SLC15A1: variants seen among roughly 807,000 people sequenced by gnomAD.
SLC15A1 encodes Caco-2 oligopeptide transporter.
Under a neutral mutation model 92.9 loss-of-function variants are expected in SLC15A1, and 83 were observed. The observed-to-expected ratio is 0.89, with a 90% confidence interval of 0.75 to 1.07. The LOEUF (loss-of-function observed/expected upper bound fraction) is 1.07, where lower values mean the gene tolerates loss of function less well. Among genes scored for constraint, SLC15A1 ranks in the 50% least tolerant of loss-of-function variants. The pLI is 0.00. For synonymous variants in SLC15A1, 322 were observed against 318.2 expected, an observed-to-expected ratio of 1.01 and a Z score of -0.13; for missense variants, 857 against 880.1, an observed-to-expected ratio of 0.97 and a Z score of 0.33.
chr13:98,738,603 C>T (rs151057213), intron 1 of SLC15A1, among the ~76,000 whole-genome samples: 1 of 152,390 alleles, frequency 6.6e-6, no homozygotes, highest in East Asian at 1.9e-4. Context: ...TGGTGGTTTC[C>T]ACATGGTGTT....
chr13:98,732,566 C>A (rs2088359730), intron 1 of SLC15A1, among the ~76,000 whole-genome samples: 2 of 152,108 alleles, frequency 1.3e-5, no homozygotes, highest in Admixed American at 1.3e-4. Context: ...TTATATAAAG[C>A]ATGCTCCATA....
In SLC15A1 at chr13:98,706,204, A is replaced by C; in HGVS notation, c.1199T>G (p.Leu400Trp). 1 of 1,613,782 alleles carries C rather than the reference A, an allele frequency of 6.2e-7. No homozygotes were observed. Reference sequence around the variant, plus strand: ...ATTCATGGTATTGTTTCCTATATTCAAAACTTTAATTTGGACTTCGTTTCC... The same window carrying C: ...ATTCATGGTATTGTTTCCTATATTCCAAACTTTAATTTGGACTTCGTTTCC... ...PKGNEVQIKVLNIGNNTMNIS... is the reference protein window; with the variant it reads ...PKGNEVQIKVWNIGNNTMNIS... The change falls in exon 16 of 23, where the codon TTG becomes TGG. Residue 400 changes from leucine to tryptophan, a missense_variant. Transcript: ENST00000376503.
chr13:98,746,524 GA>G (rs903974060), intron 1 of SLC15A1, among the ~76,000 whole-genome samples: 1 of 151,842 alleles, frequency 6.6e-6, no homozygotes, highest in Non-Finnish European at 1.5e-5. Context: ...TGATTTAATG[GA>G]AAAAAAGGAA....
intron 18 of SLC15A1, among the ~76,000 whole-genome samples, chr13:98,689,678 G>A (rs1234010490): frequency 6.6e-6 from 1 of 152,060 alleles, no homozygotes; most frequent in Non-Finnish European, 1.5e-5. Context: ...TCAAACTCCT[G>A]GCCTCAAGAG....
chr13:98,690,699 G>A (rs1232772645), intron 18 of SLC15A1, among the ~76,000 whole-genome samples: 1 of 152,106 alleles, frequency 6.6e-6, no homozygotes, highest in Non-Finnish European at 1.5e-5. Context: ...ACCTCACAGC[G>A]GGCACTTACC....
At position 98,726,264 on chromosome 13, in the gene SLC15A1, G is replaced by C. The variant is rs1344440299; in HGVS notation, c.104C>G (p.Ala35Gly). The C allele has an allele frequency of 6.2e-7, 1 of 1,614,154 alleles. No individual in the cohort carries two copies. The highest frequency in any genetic ancestry group is 1.3e-5 in the African/African-American group (1 of 75,024). ...CERFSYYGMRAILILYFTNFI... is the reference protein window; with the variant it reads ...CERFSYYGMRGILILYFTNFI... ...ATTTGTGAAGTACAGAATCAGGATT[G>C]CTTTTGCAGAGGGCAGGTGGAAGAG... Residue 35 changes from alanine (A) to glycine (G), a missense_variant and splice_region_variant, in exon 4 of 23, where the codon GCA becomes GGA. Ala to Gly is a moderately conservative substitution (Grantham distance 60). Transcript: ENST00000376503.
intron 9 of SLC15A1, among the ~76,000 whole-genome samples, chr13:98,714,095 C>T (rs1483759146): frequency 1.3e-5 from 2 of 150,390 alleles, no homozygotes; most frequent in African/African-American, 4.9e-5. Flanking sequence ...GTCAAAGCTA[C>T]AGGCTGACTT....
chr13:98,685,061 A>G, intron 22 of SLC15A1, 146 bp from the exon 23 acceptor site: 1 of 708,570 alleles, frequency 1.4e-6, no homozygotes, highest in Non-Finnish European at 2.3e-6. Context: ...AGCAACCAAT[A>G]CAGATACAGT....
chr13:98,693,294 C>T (rs2087997032), intron 18 of SLC15A1, among the ~76,000 whole-genome samples: 1 of 151,896 alleles, frequency 6.6e-6, no homozygotes, highest in Admixed American at 6.6e-5. Flanking sequence ...GATGGGGTTT[C>T]ACCATGTTGG....
chr13:98,685,620 A>G (rs1022676281), intron 22 of SLC15A1, among the ~76,000 whole-genome samples: 6 of 152,224 alleles, frequency 3.9e-5, no homozygotes, highest in African/African-American at 1.2e-4. Context: ...AGTAAAACAC[A>G]TAAGGGCAAC....
At chr13:98,724,365 GT>G (rs1331953970) in intron 4 of SLC15A1, among the ~76,000 whole-genome samples, 1 of 152,176 alleles carries the variant, frequency 6.6e-6, no homozygotes, top group Non-Finnish European at 1.5e-5. Context: ...TTAGTCAGGT[GT>G]GGTGGTGCAT....
chr13:98,737,564 G>A (rs1206152942), intron 1 of SLC15A1, among the ~76,000 whole-genome samples: 1 of 152,112 alleles, frequency 6.6e-6, no homozygotes, highest in Non-Finnish European at 1.5e-5. Context: ...CATGTGACAT[G>A]CCTGCTCCCT....
At chr13:98,748,581 C>T (rs10454524) in intron 1 of SLC15A1, among the ~76,000 whole-genome samples, 4,991 of 152,282 alleles carry the variant, frequency 0.033, 119 homozygotes, top group Admixed American at 0.069. Flanking sequence ...AGGCGTAAGC[C>T]GCAGTGCCCA....
At chr13:98,737,882 T>A (rs1392627350) in intron 1 of SLC15A1, among the ~76,000 whole-genome samples, 1 of 152,134 alleles carries the variant, frequency 6.6e-6, no homozygotes. Flanking sequence ...AGAAACTGTC[T>A]AAATGGTTGT....
intron 7 of SLC15A1, 52 bp from the exon 8 acceptor site, chr13:98,719,372 T>C: frequency 1.5e-6 from 2 of 1,293,324 alleles, no homozygotes; most frequent in Non-Finnish European, 2.2e-6. Flanking sequence ...AATGAGCATA[T>C]AGTTCCCATT....
At chr13:98,697,998 C>G (rs1288269434) in intron 18 of SLC15A1, among the ~76,000 whole-genome samples, 2 of 152,192 alleles carry the variant, frequency 1.3e-5, no homozygotes, top group South Asian at 4.2e-4. Context: ...AGCTGGTAAC[C>G]TTGGAGACTG....
intron 18 of SLC15A1, among the ~76,000 whole-genome samples, chr13:98,695,463 G>C (rs918059497): frequency 6.6e-6 from 1 of 152,068 alleles, no homozygotes; most frequent in African/African-American, 2.4e-5. Flanking sequence ...TGCAATCTTG[G>C]CTCACTGCAA....
chr13:98,684,732 G>C lies in SLC15A1; in HGVS notation c.2119C>G (p.Gln707Glu). ...CACTTGCCTCCTGACCTTCACATCT[G>C]TTTCTGTGAATTGGCCCCTGACATG... ...YFMSGANSQK[Q>E]M is the part of the protein sequence containing the mutation. The change falls in exon 23 of 23, where the codon CAG (glutamine) becomes GAG (glutamate). Residue 707 changes from glutamine to glutamate, a missense_variant. By Grantham distance (29) the Gln-to-Glu change is conservative. Transcript: ENST00000376503. 1 of 1,613,860 alleles carries C rather than the reference G, an allele frequency of 6.2e-7. No individual in the cohort carries two copies. Among genetic ancestry groups the C allele is most frequent in the Non-Finnish European group, 8.5e-7 (1 of 1,179,840 alleles).
chr13:98,725,244 T>G (rs1274937221), intron 4 of SLC15A1, among the ~76,000 whole-genome samples: 1 of 152,156 alleles, frequency 6.6e-6, no homozygotes, highest in Non-Finnish European at 1.5e-5. Flanking sequence ...CTTTATAAAT[T>G]CCCCAGCCTC....
Sources: gnomAD v4.1 joint callset for allele counts (sites outside exome capture counted in the v4.1 genomes callset) on GRCh38, gnomAD v4.1.1 for gene constraint, MANE v1.5 for transcripts, NCBI Gene and HGNC (gene_info 2026-07-23, HGNC 2026-07-21) for gene names.